Variants in PSD3 observed in about 807,000 individuals in gnomAD.
PSD3 encodes pleckstrin and Sec7 domain containing 3.
In PSD3, 49 loss-of-function variants were observed where a neutral mutation model predicts 105.5. The ratio of observed to expected loss-of-function variants is 0.46; its 90% CI spans 0.37 to 0.59. The LOEUF (loss-of-function observed/expected upper bound fraction) is 0.59, where lower values mean the gene tolerates loss of function less well. Among genes scored for constraint, PSD3 ranks in the 20% least tolerant of loss-of-function variants. The pLI is 0.00. For synonymous variants in PSD3, 557 were observed against 457.8 expected, an observed-to-expected ratio of 1.22 and a Z score of -2.77; for missense variants, 1,561 against 1,263.8, an observed-to-expected ratio of 1.24 and a Z score of -3.57.
chr8:18,623,027 G>A (rs1380280090), intron 11 of PSD3, among the ~76,000 whole-genome samples: 5 of 152,112 alleles, frequency 3.3e-5, no homozygotes, highest in Admixed American at 6.5e-5. Flanking sequence ...CGATCACAAA[G>A]TCATTTTTTC....
chr8:18,992,452 T>A (rs534856680), intron 1 of PSD3, among the ~76,000 whole-genome samples: 1 of 152,282 alleles, frequency 6.6e-6, no homozygotes, highest in Admixed American at 6.5e-5. Flanking sequence ...AATGGATAAA[T>A]TCAGAGAGCC....
intron 11 of PSD3, among the ~76,000 whole-genome samples, chr8:18,610,317 C>T (rs1338301873): frequency 1.3e-5 from 2 of 152,146 alleles, no homozygotes; most frequent in Admixed American, 6.6e-5. Context: ...TGTAACAATA[C>T]CTGAGTCTTG....
intron 8 of PSD3, among the ~76,000 whole-genome samples, chr8:18,778,367 AG>A (rs1808292443): frequency 1.3e-5 from 2 of 152,188 alleles, no homozygotes; most frequent in South Asian, 4.1e-4. Flanking sequence ...AGTTTCAGGT[AG>A]AGTCTTTAGG....
At chr8:18,921,593 G>C (rs1033330564) in intron 2 of PSD3, among the ~76,000 whole-genome samples, 2 of 152,056 alleles carry the variant, frequency 1.3e-5, no homozygotes, top group Non-Finnish European at 2.9e-5. Flanking sequence ...TTAAGAAAAA[G>C]AACAAAAAAA....
chr8:18,689,677 G>A (rs1055773405), intron 9 of PSD3, among the ~76,000 whole-genome samples: 1 of 152,198 alleles, frequency 6.6e-6, no homozygotes, highest in Non-Finnish European at 1.5e-5. Context: ...CTGAAACAGA[G>A]TAAAGTGACA....
chr8:18,889,582 AAAAC>A (rs969487477), intron 2 of PSD3, among the ~76,000 whole-genome samples: 2 of 152,302 alleles, frequency 1.3e-5, no homozygotes, highest in Admixed American at 1.3e-4. Context: ...CCCTTCTGAA[AAAAC>A]AAACAAACAA....
intron 1 of PSD3, among the ~76,000 whole-genome samples, chr8:19,065,738 T>C (rs1829054093): frequency 6.6e-6 from 1 of 152,166 alleles, no homozygotes; most frequent in Non-Finnish European, 1.5e-5. Flanking sequence ...CAGAAGTTGC[T>C]CAAGCCCTAA....
chr8:18,961,681 A>C (rs1398454354), intron 1 of PSD3, among the ~76,000 whole-genome samples: 1 of 152,104 alleles, frequency 6.6e-6, no homozygotes, highest in Non-Finnish European at 1.5e-5. Flanking sequence ...ACAGAGCGAG[A>C]CTCTGCCTCA....
chr8:18,916,699 C>T (rs1820631406), intron 2 of PSD3, among the ~76,000 whole-genome samples: 1 of 151,908 alleles, frequency 6.6e-6, no homozygotes, highest in African/African-American at 2.4e-5. Context: ...GTATCACACA[C>T]TTGAAAATTG....
intron 9 of PSD3, among the ~76,000 whole-genome samples, chr8:18,698,646 C>G (rs924266285): frequency 6.6e-6 from 1 of 152,116 alleles, no homozygotes; most frequent in African/African-American, 2.4e-5. Context: ...GACCTATGAG[C>G]TAATATATTG....
intron 1 of PSD3, among the ~76,000 whole-genome samples, chr8:18,986,433 C>T (rs914137847): frequency 2.0e-5 from 3 of 151,680 alleles, no homozygotes; most frequent in Non-Finnish European, 4.4e-5. Flanking sequence ...GTATTATTAC[C>T]CCATTTTGTA....
At position 19,038,038 on chromosome 8, in the gene PSD3, G is replaced by T. The variant is rs143160005; in HGVS notation, c.324+46168C>A. On this transcript the variant is annotated intron_variant, in intron 1 of 1. Coordinates refer to the PSD3 transcript ENST00000521475. ...ATCTCCTATTGATTCTGCTGGTTCT[G>T]TTCCTCTTGGACACCCTAACTAATC... Among the ~76,000 whole-genome samples, 326 of 151,772 alleles carry T rather than the reference G, an allele frequency of 2.1e-3. 3 individuals carry two copies. Among genetic ancestry groups the T allele is most frequent in the African/African-American group, 7.4e-3 (307 of 41,416 alleles).
At chr8:18,698,227 T>C (rs1801371892) in intron 9 of PSD3, among the ~76,000 whole-genome samples, 1 of 152,156 alleles carries the variant, frequency 6.6e-6, no homozygotes, top group South Asian at 2.1e-4. Flanking sequence ...ATCTTTCAAG[T>C]AGCTAGGTCT....
intron 1 of PSD3, among the ~76,000 whole-genome samples, chr8:19,081,596 C>T (rs899454093): frequency 3.9e-5 from 6 of 152,148 alleles, no homozygotes; most frequent in Non-Finnish European, 8.8e-5. Flanking sequence ...AATAATGCAA[C>T]GGAAGCCATC....
At chr8:18,651,886 C>T (rs1180230061) in intron 10 of PSD3, among the ~76,000 whole-genome samples, 1 of 151,994 alleles carries the variant, frequency 6.6e-6, no homozygotes, top group Non-Finnish European at 1.5e-5. Flanking sequence ...CGTGAAGGGC[C>T]TAATTAAAGT....
At chr8:18,711,448 A>G (rs1169457907) in intron 9 of PSD3, among the ~76,000 whole-genome samples, 1 of 152,222 alleles carries the variant, frequency 6.6e-6, no homozygotes, top group African/African-American at 2.4e-5. Flanking sequence ...GGAAAAGCAC[A>G]TGGAAAACAG....
chr8:18,929,246 C>G (rs550145536), intron 2 of PSD3, among the ~76,000 whole-genome samples: 147 of 118,548 alleles, frequency 1.2e-3, no homozygotes, highest in African/African-American at 4.4e-3. Flanking sequence ...AAATTCACAA[C>G]AGTGCTAAAA....
intron 9 of PSD3, among the ~76,000 whole-genome samples, chr8:18,698,332 T>C (rs906749393): frequency 1.3e-5 from 2 of 152,178 alleles, no homozygotes; most frequent in Non-Finnish European, 2.9e-5. Flanking sequence ...TTGCCCAGGT[T>C]GGTCTCTAAC....
chr8:18,810,092 C>T (rs114594017), intron 4 of PSD3, among the ~76,000 whole-genome samples: 1 of 152,302 alleles, frequency 6.6e-6, no homozygotes, highest in African/African-American at 2.4e-5. Context: ...AAGCTGTGCT[C>T]CCATGCCTTT....
Sources: gnomAD v4.1 joint callset for allele counts (sites outside exome capture counted in the v4.1 genomes callset) on GRCh38, gnomAD v4.1.1 for gene constraint, MANE v1.5 for transcripts, NCBI Gene and HGNC (gene_info 2026-07-23, HGNC 2026-07-21) for gene names.